The following GABRG3 variants were observed in gnomAD, a reference collection of about 807,000 sequenced individuals.
The protein encoded by GABRG3 is gamma-aminobutyric acid receptor subunit gamma-3.
A neutral mutation model predicts 48.8 loss-of-function variants in GABRG3; 25 were observed. That is an observed-to-expected ratio of 0.51 (90% CI 0.37 to 0.72). The LOEUF (loss-of-function observed/expected upper bound fraction) is 0.72, where lower values mean the gene tolerates loss of function less well. Ranked by LOEUF, GABRG3 falls within the 30% of genes least tolerant of loss-of-function variation. The pLI is 0.00. For synonymous variants in GABRG3, 227 were observed against 217.6 expected, an observed-to-expected ratio of 1.04 and a Z score of -0.38; for missense variants, 394 against 577.9, an observed-to-expected ratio of 0.68 and a Z score of 3.26.
intron 5 of GABRG3, among the ~76,000 whole-genome samples, chr15:27,402,693 A>C (rs1887509574): frequency 6.6e-6 from 1 of 152,366 alleles, no homozygotes; most frequent in South Asian, 2.1e-4. Context: ...ATCCTCTCCA[A>C]AATATTCTTG....
chr15:27,140,088 T>A (rs1009875017), intron 3 of GABRG3, among the ~76,000 whole-genome samples: 10 of 152,190 alleles, frequency 6.6e-5, no homozygotes, highest in African/African-American at 2.2e-4. Flanking sequence ...TATCTGGATA[T>A]TTTGCAATAT....
At chr15:27,187,834 G>C (rs182096378) in intron 3 of GABRG3, among the ~76,000 whole-genome samples, 1 of 151,366 alleles carries the variant, frequency 6.6e-6, no homozygotes, top group Non-Finnish European at 1.5e-5. Flanking sequence ...CCACTAACTC[G>C]TCATCTAGCA....
At chr15:27,078,431 A>AC (rs1245476693) in intron 3 of GABRG3, among the ~76,000 whole-genome samples, 1 of 152,106 alleles carries the variant, frequency 6.6e-6, no homozygotes, top group Non-Finnish European at 1.5e-5. Flanking sequence ...ACTTTGAAAA[A>AC]CCAAGTTTTT....
At chr15:27,164,722 G>C (rs962634801) in intron 3 of GABRG3, among the ~76,000 whole-genome samples, 1 of 152,216 alleles carries the variant, frequency 6.6e-6, no homozygotes, top group Non-Finnish European at 1.5e-5. Flanking sequence ...ATGATGATGA[G>C]ATTTACGTCG....
intron 3 of GABRG3, among the ~76,000 whole-genome samples, chr15:27,262,916 CAA>C (rs1890809696): frequency 6.6e-6 from 1 of 152,166 alleles, no homozygotes; most frequent in Admixed American, 6.5e-5. Flanking sequence ...CTATTTTCTG[CAA>C]GAGAGAAACA....
chr15:27,253,880 T>C (rs1890534790), intron 3 of GABRG3, among the ~76,000 whole-genome samples: 1 of 152,250 alleles, frequency 6.6e-6, no homozygotes. Context: ...GTAGCTCAAT[T>C]TCACATTAAG....
chr15:27,460,553 C>G (rs1889418539), intron 5 of GABRG3, among the ~76,000 whole-genome samples: 2 of 152,200 alleles, frequency 1.3e-5, no homozygotes, highest in African/African-American at 4.8e-5. Context: ...ACAGGCAAAA[C>G]TGCAAGTCAG....
chr15:27,392,815 C>T (rs980768430), intron 5 of GABRG3, among the ~76,000 whole-genome samples: 1 of 152,200 alleles, frequency 6.6e-6, no homozygotes, highest in African/African-American at 2.4e-5. Flanking sequence ...TATAACCCAA[C>T]ATTACTGTAT....
intron 3 of GABRG3, among the ~76,000 whole-genome samples, chr15:27,162,844 A>G (rs1887241479): frequency 6.6e-6 from 1 of 152,146 alleles, no homozygotes; most frequent in South Asian, 2.1e-4. Flanking sequence ...AGGCAACATC[A>G]TTGTTTTCAG....
chr15:27,192,794 G>A (rs534714391), intron 3 of GABRG3, among the ~76,000 whole-genome samples: 5 of 152,144 alleles, frequency 3.3e-5, no homozygotes, highest in Non-Finnish European at 7.3e-5. Flanking sequence ...GAGGTGCTCT[G>A]CTTTTTAGAG....
intron 2 of GABRG3, among the ~76,000 whole-genome samples, chr15:27,009,829 C>A (rs1595470174): frequency 6.6e-6 from 1 of 152,272 alleles, no homozygotes; most frequent in South Asian, 2.1e-4. Flanking sequence ...GTCCTAGATT[C>A]CTCAGGCAAC....
At chr15:27,303,798 TTGTGTG>T (rs535260016) in intron 3 of GABRG3, among the ~76,000 whole-genome samples, 11 of 149,806 alleles carry the variant, frequency 7.3e-5, no homozygotes, top group South Asian at 2.1e-4. Context: ...ATATATCTAT[TTGTGTG>T]TGTGTGTGTG....
chr15:27,017,954 G>T (rs912437993), intron 2 of GABRG3, among the ~76,000 whole-genome samples: 1 of 152,172 alleles, frequency 6.6e-6, no homozygotes, highest in African/African-American at 2.4e-5. Flanking sequence ...TTTATTAAAG[G>T]CATAGTGCAG....
intron 5 of GABRG3, among the ~76,000 whole-genome samples, chr15:27,410,851 T>C (rs1450093833): frequency 1.4e-5 from 1 of 73,012 alleles, no homozygotes; most frequent in Non-Finnish European, 2.9e-5. Context: ...CGCTCGTGTG[T>C]GTGTGTGTGT....
intron 5 of GABRG3, among the ~76,000 whole-genome samples, chr15:27,339,102 G>A (rs1373746890): frequency 2.6e-5 from 4 of 152,158 alleles, no homozygotes; most frequent in Non-Finnish European, 5.9e-5. Context: ...AACTAGGAGG[G>A]TCCTGTCTCC....
chr15:26,980,460 G>A (rs1310484291), intron 2 of GABRG3, among the ~76,000 whole-genome samples: 1 of 151,952 alleles, frequency 6.6e-6, no homozygotes, highest in African/African-American at 2.4e-5. Flanking sequence ...GGAGGATCAC[G>A]AGGTCAGGAG....
At chr15:27,408,995 A>G (rs537208173) in intron 5 of GABRG3, among the ~76,000 whole-genome samples, 4 of 152,300 alleles carry the variant, frequency 2.6e-5, no homozygotes, top group Non-Finnish European at 5.9e-5. Context: ...ATGGATTTCT[A>G]CACAATGGGA....
At chr15:27,473,376 A>G (rs1411815701) in intron 5 of GABRG3, among the ~76,000 whole-genome samples, 2 of 152,212 alleles carry the variant, frequency 1.3e-5, no homozygotes, top group Non-Finnish European at 2.9e-5. Context: ...GAACTAGTAA[A>G]GTGCAATTTT....
At chr15:27,514,145 C>T (rs999155265) in intron 6 of GABRG3, among the ~76,000 whole-genome samples, 2 of 152,112 alleles carry the variant, frequency 1.3e-5, no homozygotes, top group Non-Finnish European at 2.9e-5. Context: ...GAAGAAGAGC[C>T]AAGGCATCCA....
Sources: allele counts gnomAD v4.1 joint callset (sites outside exome capture counted in the v4.1 genomes callset), GRCh38; gene constraint gnomAD v4.1.1; transcripts MANE v1.5; gene names NCBI Gene and HGNC (gene_info 2026-07-23, HGNC 2026-07-21).